Variants in SLC37A3 observed in about 807,000 individuals in gnomAD.
The protein encoded by SLC37A3 is solute carrier family 37 member 3, also known as sugar phosphate exchanger 3.
Under a neutral mutation model 67.1 loss-of-function variants are expected in SLC37A3, and 51 were observed. That is an observed-to-expected ratio of 0.76 (90% CI 0.61 to 0.96). The LOEUF (loss-of-function observed/expected upper bound fraction) is 0.96, where lower values mean the gene tolerates loss of function less well. Among genes scored for constraint, SLC37A3 ranks in the 40% least tolerant of loss-of-function variants. SLC37A3 has a pLI of 0.00. For synonymous variants in SLC37A3, 214 were observed against 231.4 expected (o/e 0.92, Z 0.68); for missense variants, 508 against 603.0 (o/e 0.84, Z 1.65).
chr7:140,387,555 CG>C (rs1297363849), intron 1 of SLC37A3, among the ~76,000 whole-genome samples: 2 of 142,816 alleles, frequency 1.4e-5, no homozygotes, highest in African/African-American at 5.2e-5. Context: ...GTGGAGGCTG[CG>C]GTGAGCTGAA....
intron 11 of SLC37A3, 55 bp from the exon 12 acceptor site, chr7:140,345,318 C>A: frequency 7.3e-7 from 1 of 1,376,224 alleles, no homozygotes; most frequent in African/African-American, 1.4e-5. Context: ...ACTCCACGTG[C>A]CTCTGCCAAC....
At chr7:140,375,766 G>A (rs1228035791) in intron 3 of SLC37A3, among the ~76,000 whole-genome samples, 1 of 152,202 alleles carries the variant, frequency 6.6e-6, no homozygotes, top group Non-Finnish European at 1.5e-5. Flanking sequence ...AGTGGCCTCT[G>A]GCACCAATCT....
At chr7:140,348,162 G>A (rs1796642409) in intron 10 of SLC37A3, among the ~76,000 whole-genome samples, 1 of 152,178 alleles carries the variant, frequency 6.6e-6, no homozygotes, top group East Asian at 1.9e-4. Flanking sequence ...CAGATAAGTG[G>A]GGGACTGGTG....
chr7:140,383,485 AC>A (rs1218211808), intron 1 of SLC37A3, among the ~76,000 whole-genome samples: 7 of 152,186 alleles, frequency 4.6e-5, no homozygotes, highest in African/African-American at 1.7e-4. Context: ...GCAAAACAAA[AC>A]AAAATGATTA....
chr7:140,346,416 T>A (rs1331521706), intron 10 of SLC37A3, among the ~76,000 whole-genome samples: 2 of 152,020 alleles, frequency 1.3e-5, no homozygotes, highest in Non-Finnish European at 2.9e-5. Context: ...AAAGGGGTCC[T>A]CCATAACTTC....
At chr7:140,350,123 GA>G (rs1340905413) in intron 9 of SLC37A3, among the ~76,000 whole-genome samples, 6 of 152,148 alleles carry the variant, frequency 3.9e-5, no homozygotes, top group African/African-American at 1.2e-4. Flanking sequence ...AAGCACCATT[GA>G]CAAATGAAAT....
intron 2 of SLC37A3, 24 bp from the exon 3 acceptor site, chr7:140,380,414 T>C (rs773128698): frequency 6.7e-7 from 1 of 1,486,134 alleles, no homozygotes; most frequent in Admixed American, 1.7e-5. Context: ...AGAATACAGA[T>C]GAATGAATAG....
At chr7:140,361,540 T>TCCCTCTCC (rs1797290343) in intron 5 of SLC37A3, among the ~76,000 whole-genome samples, 1 of 56,616 alleles carries the variant, frequency 1.8e-5, no homozygotes, top group Non-Finnish European at 3.3e-5. Context: ...CCTCCCTCTC[T>TCCCTCTCC]CCCTCTCCGT....
chr7:140,362,732 G>GA (rs1797396517), intron 5 of SLC37A3, among the ~76,000 whole-genome samples: 1 of 88,734 alleles, frequency 1.1e-5, no homozygotes, highest in African/African-American at 4.2e-5. Flanking sequence ...GAGGTGGGGG[G>GA]TCAGCCCCCC....
At chr7:140,362,494 T>G in intron 5 of SLC37A3, among the ~76,000 whole-genome samples, 1 of 130,356 alleles carries the variant, frequency 7.7e-6, no homozygotes. Context: ...CGGCCGCCCC[T>G]ACCGGGAAGT....
At position 140,345,277 on chromosome 7, in the gene SLC37A3, C is replaced by A; in HGVS notation, c.1127-14G>T. The A allele has an allele frequency of 1.1e-5, 18 of 1,612,978 alleles. No individual in the cohort carries two copies. The highest frequency in any genetic ancestry group is 1.1e-5 in the Non-Finnish European group (13 of 1,179,040). Reference sequence around the variant, plus strand: ...CATTTGGAGAACCTGTGAGGGAAGACACAGACAAACCATGGTGGCTTGAAA... The same window carrying A: ...CATTTGGAGAACCTGTGAGGGAAGAAACAGACAAACCATGGTGGCTTGAAA... On this transcript the variant is annotated splice_polypyrimidine_tract_variant and intron_variant, in intron 11 of 14. Coordinates refer to ENST00000326232, the MANE Select transcript of SLC37A3 (RefSeq NM_207113.3).
intron 4 of SLC37A3, among the ~76,000 whole-genome samples, chr7:140,364,709 T>C (rs1234229389): frequency 6.8e-6 from 1 of 147,892 alleles, no homozygotes; most frequent in African/African-American, 2.5e-5. Context: ...AAAAAAGTTA[T>C]GAAAATAGAA....
intron 1 of SLC37A3, among the ~76,000 whole-genome samples, chr7:140,382,798 A>G (rs1315151475): frequency 6.6e-6 from 1 of 152,084 alleles, no homozygotes; most frequent in Admixed American, 6.6e-5. Flanking sequence ...TCCTGGACAA[A>G]AGATTATATC....
intron 2 of SLC37A3, among the ~76,000 whole-genome samples, chr7:140,382,194 C>T (rs1170713847): frequency 6.6e-6 from 1 of 152,080 alleles, no homozygotes; most frequent in African/African-American, 2.4e-5. Context: ...GTCTCCACCA[C>T]TAACTACAAG....
intron 1 of SLC37A3, among the ~76,000 whole-genome samples, chr7:140,393,075 G>C (rs527551054): frequency 6.6e-6 from 1 of 152,116 alleles, no homozygotes; most frequent in African/African-American, 2.4e-5. Flanking sequence ...CTGGGTGACA[G>C]AGCAAGACTC....
intron 1 of SLC37A3, among the ~76,000 whole-genome samples, chr7:140,387,846 T>TTATATATATTATATATAAATATAA (rs1798561232): frequency 4.7e-4 from 8 of 17,080 alleles, no homozygotes; most frequent in South Asian, 2.9e-3. Context: ...TATAAACATA[T>TTATATATATTATATATAAATATAA]ATATATTAGT....
intron 1 of SLC37A3, among the ~76,000 whole-genome samples, chr7:140,396,880 CTGTTTTTTTTTT>C (rs1258187831): frequency 1.6e-5 from 2 of 125,016 alleles, no homozygotes. Flanking sequence ...ATCTCAATTT[CTGTTTTTTTTTT>C]TGTTTTTTTT....
intron 5 of SLC37A3, among the ~76,000 whole-genome samples, chr7:140,361,764 C>T (rs1267751038): frequency 2.1e-5 from 3 of 143,324 alleles, no homozygotes; most frequent in East Asian, 4.1e-4. Context: ...GTCGGCCGGG[C>T]TGGTCTCCAG....
chr7:140,343,968 T>C (rs1057485942), intron 12 of SLC37A3: 10 of 239,364 alleles, frequency 4.2e-5, no homozygotes, highest in South Asian at 4.1e-4. Flanking sequence ...AAAAAGCCAC[T>C]GCAATGGAGC....
Sources: allele counts gnomAD v4.1 joint callset (sites outside exome capture counted in the v4.1 genomes callset), GRCh38; gene constraint gnomAD v4.1.1; transcripts MANE v1.5; gene names NCBI Gene and HGNC (gene_info 2026-07-23, HGNC 2026-07-21).